RGPD1: variants seen among roughly 807,000 people sequenced by gnomAD.
RGPD1 encodes RANBP2-like and GRIP domain-containing protein 1.
A neutral mutation model predicts 40.6 loss-of-function variants in RGPD1; 7 were observed. That is an observed-to-expected ratio of 0.17 (90% CI 0.10 to 0.32). The LOEUF (loss-of-function observed/expected upper bound fraction) is 0.32. RGPD1 is among the 10% of genes least tolerant of loss of function. The pLI is 1.00. For missense variants in RGPD1, 50 were observed against 472.5 expected (o/e 0.11, Z 8.29); for synonymous variants, 24 against 167.0 (o/e 0.14, Z 6.60).
At chr2:86,973,852 TTCA>T (rs1573635902) in intron 9 of RGPD1, among the ~76,000 whole-genome samples, 1 of 88,186 alleles carries the variant, frequency 1.1e-5, no homozygotes, top group Non-Finnish European at 2.3e-5. Context: ...TTAAACATTC[TTCA>T]TCACTACTAT....
At chr2:86,997,134 C>G (rs1255389397) in intron 21 of RGPD1, among the ~76,000 whole-genome samples, 1 of 148,410 alleles carries the variant, frequency 6.7e-6, no homozygotes, top group East Asian at 2.0e-4. Flanking sequence ...TCATTTCCAC[C>G]TCTTCATCTG....
intron 1 of RGPD1, among the ~76,000 whole-genome samples, chr2:86,925,060 TA>T (rs1678378960): frequency 6.6e-6 from 1 of 152,244 alleles, no homozygotes; most frequent in Admixed American, 6.5e-5. Flanking sequence ...ATGTGCTCAT[TA>T]GCTGCTTATG....
intron 1 of RGPD1, among the ~76,000 whole-genome samples, chr2:86,933,207 C>T (rs962165815): frequency 1.3e-4 from 19 of 149,904 alleles, no homozygotes; most frequent in African/African-American, 3.9e-4. Context: ...CGTAAAATTC[C>T]GAAGTGGTAG....
intron 1 of RGPD1, among the ~76,000 whole-genome samples, chr2:86,943,766 T>C (rs1680107039): frequency 6.6e-6 from 1 of 152,182 alleles, no homozygotes; most frequent in Non-Finnish European, 1.5e-5. Context: ...ATCCCACCAC[T>C]TTGGGAGGCC....
intron 1 of RGPD1, among the ~76,000 whole-genome samples, chr2:86,931,880 C>T (rs1678993670): frequency 6.7e-6 from 1 of 148,346 alleles, no homozygotes; most frequent in African/African-American, 2.5e-5. Context: ...ATTTCCATAA[C>T]TTCATTTGGT....
chr2:86,923,379 T>C (rs1448593915), intron 1 of RGPD1, among the ~76,000 whole-genome samples: 1 of 151,690 alleles, frequency 6.6e-6, no homozygotes. Context: ...TATGTTTTTT[T>C]AAATTGTGGT....
At chr2:86,988,495 C>T (rs1451370071) in intron 20 of RGPD1, among the ~76,000 whole-genome samples, 2 of 79,004 alleles carry the variant, frequency 2.5e-5, no homozygotes, top group African/African-American at 4.5e-5. Context: ...TTGAGATGTT[C>T]TCATTTTATG....
intron 1 of RGPD1, among the ~76,000 whole-genome samples, chr2:86,945,176 G>A (rs1262705941): frequency 2.6e-5 from 4 of 152,208 alleles, no homozygotes; most frequent in African/African-American, 9.6e-5. Context: ...ATTAAATAAA[G>A]TGGAGTGGTA....
chr2:86,931,973 A>G (rs1387370897), intron 1 of RGPD1, among the ~76,000 whole-genome samples: 1 of 148,532 alleles, frequency 6.7e-6, no homozygotes, highest in African/African-American at 2.4e-5. Context: ...ATATATTTAT[A>G]TATAATATTC....
chr2:86,913,688 A>G, upstream of RGPD1: 1 of 1,323,024 alleles, frequency 7.6e-7, no homozygotes, highest in Non-Finnish European at 1.0e-6. Flanking sequence ...TGGAGCGCCG[A>G]CGTCGCCAAG....
At chr2:86,938,631 A>G (rs1679507484), upstream of RGPD1, among the ~76,000 whole-genome samples, 1 of 152,048 alleles carries the variant, frequency 6.6e-6, no homozygotes, top group African/African-American at 2.4e-5. Context: ...AATAAAAAGA[A>G]TTCCTTCATT....
At position 86,925,171 on chromosome 2, in the gene RGPD1, G is replaced by C. The variant is rs571861641; in HGVS notation, c.72+11250G>C. On this transcript the variant is annotated intron_variant, in intron 1 of 22. Transcript: ENST00000398193. The stretch of plus-strand genomic sequence containing the variant: ...AAGTTCTTACATGTTCTAGACATGA[G>C]TTCTTGACCATATTTTCCCTTAGAA... 1.1e-4 allele frequency among the ~76,000 whole-genome samples: 17 copies of C among 152,312 alleles called. No homozygotes were observed. In the South Asian group the frequency reaches 3.3e-3, roughly 30 times the overall value.
chr2:86,931,956 A>G (rs1445009283), intron 1 of RGPD1, among the ~76,000 whole-genome samples: 27 of 148,138 alleles, frequency 1.8e-4, no homozygotes, highest in African/African-American at 6.6e-4. Flanking sequence ...TATTATATTC[A>G]TTATATATAT....
intron 1 of RGPD1, among the ~76,000 whole-genome samples, chr2:86,945,175 A>C (rs931613910): frequency 1.3e-5 from 2 of 152,162 alleles, no homozygotes; most frequent in African/African-American, 4.8e-5. Flanking sequence ...CATTAAATAA[A>C]GTGGAGTGGT....
At chr2:87,007,451 C>T (rs1682096264) in intron 22 of RGPD1, among the ~76,000 whole-genome samples, 1 of 152,278 alleles carries the variant, frequency 6.6e-6, no homozygotes, top group Non-Finnish European at 1.5e-5. Flanking sequence ...GATCTCGGCT[C>T]ACTGCAACCT....
intron 1 of RGPD1, among the ~76,000 whole-genome samples, chr2:86,925,899 A>C (rs1257117364): frequency 6.6e-6 from 1 of 152,208 alleles, no homozygotes; most frequent in African/African-American, 2.4e-5. Context: ...ACCATTTTGC[A>C]CAAGATTGTT....
At chr2:86,942,566 C>T (rs919238497) in intron 1 of RGPD1, among the ~76,000 whole-genome samples, 2 of 102,866 alleles carry the variant, frequency 1.9e-5, no homozygotes, top group Non-Finnish European at 4.2e-5. Flanking sequence ...TCGACGTGGC[C>T]CGGCGGCGGC....
intron 1 of RGPD1, among the ~76,000 whole-genome samples, chr2:86,923,424 C>T (rs1174324908): frequency 6.6e-4 from 100 of 151,250 alleles, no homozygotes; most frequent in African/African-American, 2.4e-3. Context: ...CTTGAGTTTA[C>T]AGTTTGATCA....
In RGPD1 at chr2:87,006,621, C is replaced by T. The variant is rs879900055; in HGVS notation, c.5237-5892C>T. On this transcript the variant is annotated intron_variant, in intron 22 of 22. Transcript: ENST00000641458. ...CTAAAAACACAAAAAATTAGCCAGG[C>T]GTGTTGGCAGGCGCCTGTAGTCCCA... is the stretch of plus-strand genomic sequence containing the variant. Among the ~76,000 whole-genome samples the T allele has an allele frequency of 9.7e-3, 1,450 of 148,890 alleles. 30 individuals carry two copies. The highest frequency in any genetic ancestry group is 0.064 in the Admixed American group (967 of 15,090).
Sources: gnomAD v4.1 joint callset for allele counts (sites outside exome capture counted in the v4.1 genomes callset) on GRCh38, gnomAD v4.1.1 for gene constraint, MANE v1.5 for transcripts, NCBI Gene and HGNC (gene_info 2026-07-23, HGNC 2026-07-21) for gene names.